MACROH2A1: variants seen among roughly 807,000 people sequenced by gnomAD.
MACROH2A1 encodes macroH2A.1 histone, also known as core histone macro-H2A.1.
A neutral mutation model predicts 31.6 loss-of-function variants in MACROH2A1; 2 were observed. The ratio of observed to expected loss-of-function variants is 0.06; its 90% CI spans 0.03 to 0.20. The LOEUF (loss-of-function observed/expected upper bound fraction) is 0.20. Ranked by LOEUF, MACROH2A1 falls within the 10% of genes least tolerant of loss-of-function variation. The pLI, the probability that MACROH2A1 is intolerant of heterozygous loss-of-function variation, is 1.00. For synonymous variants in MACROH2A1, 169 were observed against 189.6 expected, an observed-to-expected ratio of 0.89 and a Z score of 0.89; for missense variants, 230 against 474.0, an observed-to-expected ratio of 0.49 and a Z score of 4.78.
chr5:135,393,979 T>C (rs1426743341), intron 1 of MACROH2A1, among the ~76,000 whole-genome samples: 5 of 152,094 alleles, frequency 3.3e-5, no homozygotes, highest in African/African-American at 1.2e-4. Flanking sequence ...CCCTCAGCAA[T>C]CGAGATGCGA....
At chr5:135,340,576 G>A (rs1581126957) in intron 8 of MACROH2A1, among the ~76,000 whole-genome samples, 1 of 152,348 alleles carries the variant, frequency 6.6e-6, no homozygotes, top group South Asian at 2.1e-4. Context: ...CTCACAGGCT[G>A]GAGGGAGCCA....
chr5:135,357,420 T>A (rs1453810916), intron 5 of MACROH2A1: 2 of 152,178 alleles, frequency 1.3e-5, no homozygotes, highest in African/African-American at 4.8e-5. Context: ...GAGAAGGGTA[T>A]GTGGATCAAA....
intron 5 of MACROH2A1, chr5:135,359,558 C>CA: frequency 1.0e-6 from 1 of 984,434 alleles, no homozygotes; most frequent in South Asian, 4.7e-5. Flanking sequence ...AGAGAGAGTG[C>CA]AATTAGTGAC....
intron 6 of MACROH2A1, among the ~76,000 whole-genome samples, chr5:135,348,171 T>G (rs935425350): frequency 6.6e-6 from 1 of 152,232 alleles, no homozygotes; most frequent in Non-Finnish European, 1.5e-5. Context: ...CACACACATA[T>G]GTATGCACAT....
intron 2 of MACROH2A1, among the ~76,000 whole-genome samples, chr5:135,372,533 C>T (rs1313891780): frequency 6.6e-6 from 1 of 152,246 alleles, no homozygotes; most frequent in African/African-American, 2.4e-5. Flanking sequence ...GATGGGCCCA[C>T]CTTGGCCAAG....
intron 1 of MACROH2A1, among the ~76,000 whole-genome samples, chr5:135,393,813 GTCTT>G (rs1262151627): frequency 1.3e-5 from 2 of 152,136 alleles, no homozygotes; most frequent in African/African-American, 4.8e-5. Flanking sequence ...GATCTCTGTG[GTCTT>G]TATTTCTGCA....
chr5:135,353,363 C>T (rs1217761566), intron 5 of MACROH2A1: 4 of 321,672 alleles, frequency 1.2e-5, no homozygotes, highest in Middle Eastern at 9.6e-4. Context: ...AGTAAGGCAG[C>T]TATCAGGACC....
chr5:135,367,627 T>C (rs116587778), intron 4 of MACROH2A1, among the ~76,000 whole-genome samples: 3,688 of 152,282 alleles, frequency 0.024, 175 homozygotes, highest in African/African-American at 0.084. Context: ...GACACTGGCA[T>C]CTGAGAGACC....
chr5:135,394,108 G>C (rs2149990662), intron 1 of MACROH2A1, among the ~76,000 whole-genome samples: 1 of 152,236 alleles, frequency 6.6e-6, no homozygotes, highest in African/African-American at 2.4e-5. Flanking sequence ...GGGGCAGTAG[G>C]GGCAAAGAAC....
At chr5:135,387,163 G>A (rs1766528347) in intron 2 of MACROH2A1, among the ~76,000 whole-genome samples, 1 of 152,162 alleles carries the variant, frequency 6.6e-6, no homozygotes, top group South Asian at 2.1e-4. Context: ...CTGGATGACT[G>A]CCAATGCTAT....
chr5:135,396,681 T>TTTACAACAGCTAC (rs1244756718), intron 1 of MACROH2A1, among the ~76,000 whole-genome samples: 8 of 151,948 alleles, frequency 5.3e-5, no homozygotes, highest in African/African-American at 1.9e-4. Context: ...CGTGGGGCCT[T>TTTACAACAGCTAC]TTGCACTGAT....
intron 1 of MACROH2A1, among the ~76,000 whole-genome samples, chr5:135,392,113 T>C (rs1276438114): frequency 1.3e-5 from 2 of 152,210 alleles, no homozygotes; most frequent in African/African-American, 2.4e-5. Flanking sequence ...CTTTGTCCTC[T>C]TGTCAACTTG....
chr5:135,356,073 G>C (rs1762139328), intron 5 of MACROH2A1: 1 of 152,210 alleles, frequency 6.6e-6, no homozygotes, highest in Admixed American at 6.5e-5. Context: ...CTGCTTCTTT[G>C]TACCGTCGTT....
At chr5:135,344,056 T>C (rs1760398901) in intron 7 of MACROH2A1, 1 of 153,566 alleles carries the variant, frequency 6.5e-6, no homozygotes. Flanking sequence ...GTGGCAGAAT[T>C]AGATTAGTTT....
intron 5 of MACROH2A1, chr5:135,358,055 A>G (rs1762390187): frequency 1.0e-6 from 1 of 982,802 alleles, no homozygotes; most frequent in East Asian, 1.1e-4. Context: ...CCCTTTTGAA[A>G]CATTTCCTAA....
intron 8 of MACROH2A1, among the ~76,000 whole-genome samples, chr5:135,338,334 T>C (rs778916753): frequency 6.6e-6 from 1 of 152,112 alleles, no homozygotes; most frequent in African/African-American, 2.4e-5. Flanking sequence ...CCCCATCCTG[T>C]GAAATGGAAT....
intron 2 of MACROH2A1, among the ~76,000 whole-genome samples, chr5:135,383,041 G>C (rs1377180974): frequency 6.6e-6 from 1 of 152,240 alleles, no homozygotes; most frequent in East Asian, 1.9e-4. Context: ...GTGGCTTCCA[G>C]GCTCTAGTCT....
In MACROH2A1 at chr5:135,369,329, G is replaced by A. The variant is rs770004682; in HGVS notation, c.477+77C>T. On this transcript the variant is annotated intron_variant, in intron 4 of 8. Transcript: ENST00000511689. The surrounding 1 kb of genome is among the most constrained non-coding windows in gnomAD (Gnocchi z 4.3). ...AGTGGGATGAGCCCACAGGGGGAAT[G>A]AGGGGGGTGCCCTGGTAACCCTGTT... is the stretch of plus-strand genomic sequence containing the variant. 1.0e-5 allele frequency: 12 copies of A among 1,182,104 alleles called. No individual in the cohort carries two copies. The highest frequency in any genetic ancestry group is 1.7e-5 in the Admixed American group (1 of 57,978). The allele number at this position is 1,182,104 out of a possible 1,614,324, so 73.2% of individuals were successfully genotyped here. A position where few individuals can be genotyped will look rare whatever the true frequency, so the allele number is the denominator to read the frequency against.
chr5:135,374,301 G>T (rs1764571385), intron 2 of MACROH2A1, among the ~76,000 whole-genome samples: 2 of 152,196 alleles, frequency 1.3e-5, no homozygotes, highest in African/African-American at 4.8e-5. Context: ...GCTCTCCAGG[G>T]CATGTTCCTA....
Sources: allele counts gnomAD v4.1 joint callset (sites outside exome capture counted in the v4.1 genomes callset), GRCh38; gene constraint gnomAD v4.1.1; non-coding constraint Gnocchi (gnomAD v3.1); transcripts MANE v1.5; gene names NCBI Gene and HGNC (gene_info 2026-07-23, HGNC 2026-07-21).